BRD3: variants seen among roughly 807,000 people sequenced by gnomAD.
BRD3 encodes bromodomain-containing protein 3.
Under a neutral mutation model 66.8 loss-of-function variants are expected in BRD3, and 17 were observed. The observed-to-expected ratio is 0.25, with a 90% CI of 0.17 to 0.38. The LOEUF (loss-of-function observed/expected upper bound fraction) is 0.38. Among genes scored for constraint, BRD3 ranks in the 10% least tolerant of loss-of-function variants. The pLI is 1.00. For missense variants in BRD3, 713 were observed against 956.1 expected, an observed-to-expected ratio of 0.75 and a Z score of 3.35; for synonymous variants, 421 against 393.2, an observed-to-expected ratio of 1.07 and a Z score of -0.84.
chr9:134,047,501 G>A (rs939066774), intron 6 of BRD3, among the ~76,000 whole-genome samples: 4 of 152,214 alleles, frequency 2.6e-5, no homozygotes, highest in Admixed American at 1.3e-4. Context: ...GACTCACTCT[G>A]ACCTGCTGTG....
chr9:134,048,251 G>T lies in BRD3; in HGVS notation c.918C>A (p.Gly306=). Reference sequence around the variant, plus strand: ...AGTAGCGTAGGTGCTCCGACAGCTTGCCCTTCTTGCCTGCGTGCTGGGGCA... The same window carrying T: ...AGTAGCGTAGGTGCTCCGACAGCTTTCCCTTCTTGCCTGCGTGCTGGGGCA... ...GEVPQHAGKK[G]KLSEHLRYCD... The change falls in exon 6 of 12, where the codon GGC becomes GGA. Residue 306 remains glycine, a synonymous_variant. Coordinates refer to ENST00000303407, the MANE Select transcript of BRD3 (RefSeq NM_007371.4). 6.2e-7 allele frequency: 1 copy of T among 1,611,352 alleles called. No homozygotes were observed.
rs938402383 is a variant in BRD3 at position 134,033,829 on chromosome 9, A to C, written c.2066-124T>G. On this transcript the variant is annotated intron_variant, in intron 11 of 11. Coordinates refer to ENST00000303407, the MANE Select transcript of BRD3 (RefSeq NM_007371.4). This position sits in a 1 kb window ranked among gnomAD's most constrained non-coding sequence, Gnocchi z 5.1. The stretch of plus-strand genomic sequence containing the variant: ...CCACGACCCACCCACTTCCTGACCC[A>C]GTCGTTTAATAAGTATTTATTGAAA... The C allele has an allele frequency of 1.3e-4, 75 of 592,642 alleles. No individual in the cohort carries two copies. In the Middle Eastern group the frequency reaches 2.2e-3, roughly 17 times the overall value. 36.7% of individuals were successfully genotyped at this position (592,642 alleles called of 1,614,324 possible).
chr9:134,051,775 T>C lies in BRD3; in HGVS notation c.352-66A>G, dbSNP rs373717987. The C allele has an allele frequency of 9.3e-5, 141 of 1,523,194 alleles. No homozygotes were observed. In the African/African-American group the frequency reaches 1.6e-3, roughly 18 times the overall value. The allele number at this position is 1,523,194 out of a possible 1,614,324, so 94.4% of individuals were successfully genotyped here. ...GCTGTGTGCTTGCAAAGGACATTAT[T>C]AGTTGTAGCTCAAAAAAATATTTAA... On this transcript the variant is annotated intron_variant, in intron 3 of 11. Transcript: ENST00000303407.
In BRD3 at chr9:134,045,186, A is replaced by G. The variant is rs1372141181; in HGVS notation, c.1215+107T>C. Reference sequence around the variant, plus strand: ...AGGTGTTGAGGGAATGAGGCTCTCTAAGGCCTTCCTCGGCTGGACATTCAC... The same window carrying G: ...AGGTGTTGAGGGAATGAGGCTCTCTGAGGCCTTCCTCGGCTGGACATTCAC... On this transcript the variant is annotated intron_variant, in intron 7 of 11. Coordinates refer to ENST00000303407, the MANE Select transcript of BRD3 (RefSeq NM_007371.4). The surrounding 1 kb of genome is among the most constrained non-coding windows in gnomAD (Gnocchi z 4.8). 2.0e-6 allele frequency: 3 copies of G among 1,467,622 alleles called. No individual in the cohort carries two copies. The highest frequency in any genetic ancestry group is 2.8e-6 in the Non-Finnish European group (3 of 1,083,046). The allele number at this position is 1,467,622 out of a possible 1,614,324, so 90.9% of individuals were successfully genotyped here.
intron 3 of BRD3, among the ~76,000 whole-genome samples, chr9:134,052,065 G>C (rs1830317679): frequency 6.6e-6 from 1 of 151,916 alleles, no homozygotes; most frequent in South Asian, 2.1e-4. Flanking sequence ...TAATTTTTTT[G>C]TATTTTTAGT....
chr9:134,042,248 A>G (rs1830065770), intron 7 of BRD3, among the ~76,000 whole-genome samples: 1 of 152,048 alleles, frequency 6.6e-6, no homozygotes, highest in Non-Finnish European at 1.5e-5. Flanking sequence ...GCATCCTTGT[A>G]GCCTCCTGGC....
At position 134,032,781 on chromosome 9, in the gene BRD3, G is replaced by A. The variant is rs1843531132; in HGVS notation, c.*809C>T. ...CAGCAGGGGCAGCGCTAGCCAGGCG[G>A]GGACTCACAGCGGGCTGGACTTCCG... On this transcript the variant is annotated 3_prime_UTR_variant, in exon 12 of 12. Transcript: ENST00000303407. 1 of 248,784 alleles carries A rather than the reference G, an allele frequency of 4.0e-6. No individual in the cohort carries two copies. The highest frequency in any genetic ancestry group is 5.5e-5 in the Admixed American group (1 of 18,174). 15.4% of individuals were successfully genotyped at this position (248,784 alleles called of 1,614,324 possible).
intron 4 of BRD3, among the ~76,000 whole-genome samples, chr9:134,051,092 A>C (rs554534226): frequency 6.6e-6 from 1 of 152,124 alleles, no homozygotes; most frequent in South Asian, 2.1e-4. Flanking sequence ...TCACGACACT[A>C]ATCACCACCA....
chr9:134,038,181 G>C (rs1314378603), intron 9 of BRD3, among the ~76,000 whole-genome samples: 1 of 152,138 alleles, frequency 6.6e-6, no homozygotes, highest in East Asian at 1.9e-4. Flanking sequence ...CTGAGGCCAA[G>C]TCTTGCTCTG....
intron 5 of BRD3, among the ~76,000 whole-genome samples, chr9:134,049,636 A>G (rs1461088404): frequency 1.3e-5 from 2 of 152,218 alleles, no homozygotes; most frequent in Admixed American, 1.3e-4. Flanking sequence ...GCAGGCAGTG[A>G]AGGCCACGGG....
intron 11 of BRD3, among the ~76,000 whole-genome samples, chr9:134,034,186 T>C (rs1210697346): frequency 1.3e-5 from 2 of 152,106 alleles, no homozygotes; most frequent in African/African-American, 4.8e-5. Flanking sequence ...CCCCCCCATA[T>C]GTGTGTCCTG....
chr9:134,045,718 C>T lies in BRD3; in HGVS notation c.1087-297G>A, dbSNP rs760304758. 5.9e-5 allele frequency among the ~76,000 whole-genome samples: 9 copies of T among 152,166 alleles called. No individual in the cohort carries two copies. Among genetic ancestry groups the T allele is most frequent in the Non-Finnish European group, 1.0e-4 (7 of 68,024 alleles). ...GAAATCCCAGGTTCCCGTAGGCGTC[C>T]CTTGGCCCCTTCCTTGTCCAGAGCT... On this transcript the variant is annotated intron_variant, in intron 6 of 11. Coordinates refer to ENST00000303407, the MANE Select transcript of BRD3 (RefSeq NM_007371.4). This position sits in a 1 kb window ranked among gnomAD's most constrained non-coding sequence, Gnocchi z 4.8.
In BRD3 at chr9:134,039,953, A is replaced by C; in HGVS notation, c.1643+81T>G. ...CAGGTGGCCAAGGCACAAAGCCCCCAATCCCAGCACTGCTGCTACATGAGC... is the reference window on the plus strand; with the variant it reads ...CAGGTGGCCAAGGCACAAAGCCCCCCATCCCAGCACTGCTGCTACATGAGC... On this transcript the variant is annotated intron_variant, in intron 9 of 11. Coordinates refer to ENST00000303407, the MANE Select transcript of BRD3 (RefSeq NM_007371.4). 2.0e-6 allele frequency: 3 copies of C among 1,503,446 alleles called. No individual in the cohort carries two copies. In the East Asian group the frequency reaches 7.4e-5, roughly 37 times the overall value. The allele number at this position is 1,503,446 out of a possible 1,614,324, so 93.1% of individuals were successfully genotyped here. A position where few individuals can be genotyped will look rare whatever the true frequency, so the allele number is the denominator to read the frequency against.
chr9:134,063,563 A>G lies in BRD3; in HGVS notation c.-114+4382T>C, dbSNP rs185635660. 1.8e-4 allele frequency among the ~76,000 whole-genome samples: 28 copies of G among 152,320 alleles called. No homozygotes were observed. The East Asian group carries it at 5.4e-3, about 29-fold the overall frequency. On this transcript the variant is annotated intron_variant, in intron 1 of 11. Transcript: ENST00000303407. ...CTGCCACATGACAGGTTATAGCTACAATACTCAGCACTCCTGCAGGGGCCG... is the reference window on the plus strand; with the variant it reads ...CTGCCACATGACAGGTTATAGCTACGATACTCAGCACTCCTGCAGGGGCCG...
chr9:134,061,872 G>C (rs1830550730), intron 1 of BRD3, among the ~76,000 whole-genome samples: 1 of 152,144 alleles, frequency 6.6e-6, no homozygotes, highest in Non-Finnish European at 1.5e-5. Flanking sequence ...TGTGGCAGGA[G>C]GGAGCTGAGT....
intron 1 of BRD3, chr9:134,058,640 G>C (rs1328018477): frequency 3.9e-5 from 6 of 152,258 alleles, no homozygotes; most frequent in African/African-American, 1.2e-4. Flanking sequence ...CCGGGGGGTA[G>C]AGGTGTCTCT....
chr9:134,034,183 A>G (rs778406016), intron 11 of BRD3, among the ~76,000 whole-genome samples: 3 of 152,080 alleles, frequency 2.0e-5, no homozygotes, highest in Non-Finnish European at 4.4e-5. Context: ...TGTCCCCCCC[A>G]TATGTGTGTC....
rs200145944 is a variant in BRD3, at chr9:134,050,508, G to A, written c.580C>T (p.Pro194Ser). ...GGTACAGGGGTGGCAGCGATGACGG[G>A]CGTCTGGGAGACGGTGGGGGGCACG... ...QSVPPTVSQT[P>S]VIAATPVPTI... The change falls in exon 5 of 12, where the codon CCC becomes TCC. Residue 194 changes from proline (P) to serine (S), a missense_variant. Coordinates refer to ENST00000303407, the MANE Select transcript of BRD3 (RefSeq NM_007371.4). 34 of 1,607,096 alleles carry A rather than the reference G, an allele frequency of 2.1e-5. No individual in the cohort carries two copies. The Middle Eastern group carries it at 6.6e-4, about 31-fold the overall frequency.
chr9:134,049,513 C>T (rs1023984307), intron 5 of BRD3, among the ~76,000 whole-genome samples: 2 of 152,222 alleles, frequency 1.3e-5, no homozygotes, highest in Non-Finnish European at 2.9e-5. Flanking sequence ...CAGGCGCGTG[C>T]CGCACAGGGC....
Sources: allele counts gnomAD v4.1 joint callset (sites outside exome capture counted in the v4.1 genomes callset), GRCh38; gene constraint gnomAD v4.1.1; non-coding constraint Gnocchi (gnomAD v3.1); transcripts MANE v1.5; gene names NCBI Gene and HGNC (gene_info 2026-07-23, HGNC 2026-07-21).